The following SLC44A5 variants were observed in gnomAD, a reference collection of about 807,000 sequenced individuals.
The protein encoded by SLC44A5 is choline transporter-like protein 5.
A neutral mutation model predicts 101.8 loss-of-function variants in SLC44A5; 57 were observed. The ratio of observed to expected loss-of-function variants is 0.56; its 90% CI spans 0.45 to 0.70. SLC44A5 has a LOEUF of 0.70. SLC44A5 is among the 30% of genes least tolerant of loss of function. The pLI, the probability that SLC44A5 is intolerant of heterozygous loss-of-function variation, is 0.00. For synonymous variants in SLC44A5, 281 were observed against 290.9 expected, an observed-to-expected ratio of 0.97 and a Z score of 0.35; for missense variants, 737 against 853.1, an observed-to-expected ratio of 0.86 and a Z score of 1.70.
intron 3 of SLC44A5, among the ~76,000 whole-genome samples, chr1:75,341,729 G>C (rs189134111): frequency 6.6e-4 from 100 of 152,218 alleles, no homozygotes; most frequent in Non-Finnish European, 5.0e-4. Context: ...CTCATGCTCT[G>C]ACCCTGTGCT....
At chr1:75,301,394 G>A (rs1654438511) in intron 4 of SLC44A5, among the ~76,000 whole-genome samples, 1 of 152,108 alleles carries the variant, frequency 6.6e-6, no homozygotes, top group South Asian at 2.1e-4. Context: ...ATTACATCTT[G>A]TTCAGCTTAT....
the SLC44A5 span, among the ~76,000 whole-genome samples, chr1:75,716,268 C>G: frequency 6.6e-6 from 1 of 152,016 alleles, no homozygotes; most frequent in African/African-American, 2.4e-5. Flanking sequence ...TGCTTGAGTC[C>G]CAGAGTTAGA....
chr1:75,417,086 C>T (rs375003485), intron 2 of SLC44A5, among the ~76,000 whole-genome samples: 16 of 152,180 alleles, frequency 1.1e-4, no homozygotes, highest in South Asian at 2.1e-4. Context: ...AGGGCCAAAA[C>T]GATATGATTT....
intron 2 of SLC44A5, among the ~76,000 whole-genome samples, chr1:75,426,263 A>T (rs1415261142): frequency 6.6e-6 from 1 of 152,206 alleles, no homozygotes; most frequent in East Asian, 1.9e-4. Flanking sequence ...GTGGGAAAAT[A>T]TGATTCTGAA....
At chr1:75,506,213 T>A (rs1434514321) in intron 2 of SLC44A5, among the ~76,000 whole-genome samples, 1 of 152,180 alleles carries the variant, frequency 6.6e-6, no homozygotes, top group Admixed American at 6.5e-5. Context: ...GGTCTGTATG[T>A]CTGTTTTTGT....
At chr1:75,372,245 C>G (rs1029824453) in intron 3 of SLC44A5, among the ~76,000 whole-genome samples, 1 of 150,976 alleles carries the variant, frequency 6.6e-6, no homozygotes, top group Non-Finnish European at 1.5e-5. Context: ...AGCTTTTTCC[C>G]AGTGAGTCAG....
chr1:75,623,335 G>A, the SLC44A5 span, among the ~76,000 whole-genome samples: 2 of 151,998 alleles, frequency 1.3e-5, no homozygotes, highest in Non-Finnish European at 2.9e-5. Context: ...TGACAGAAAT[G>A]AACTAGGCAA....
At chr1:75,393,886 C>T (rs1328249203) in intron 3 of SLC44A5, among the ~76,000 whole-genome samples, 1 of 151,932 alleles carries the variant, frequency 6.6e-6, no homozygotes, top group East Asian at 1.9e-4. Flanking sequence ...AGTGGTGATG[C>T]CCTTATTAGA....
intron 3 of SLC44A5, among the ~76,000 whole-genome samples, chr1:75,341,212 C>T (rs982167834): frequency 6.6e-6 from 1 of 152,126 alleles, no homozygotes; most frequent in Non-Finnish European, 1.5e-5. Context: ...AATATAAGCT[C>T]GAGAGGGCCG....
intron 1 of SLC44A5, among the ~76,000 whole-genome samples, chr1:75,597,565 A>T (rs1178372913): frequency 6.6e-6 from 1 of 152,182 alleles, no homozygotes; most frequent in Non-Finnish European, 1.5e-5. Context: ...GGGCTGCAGT[A>T]ACTAAAACAC....
At chr1:75,465,268 C>A (rs1428892721) in intron 2 of SLC44A5, among the ~76,000 whole-genome samples, 2 of 152,128 alleles carry the variant, frequency 1.3e-5, no homozygotes, top group African/African-American at 4.8e-5. Flanking sequence ...GGAAATTAAA[C>A]AATATGCTCC....
chr1:75,652,905 C>T, the SLC44A5 span, among the ~76,000 whole-genome samples: 1 of 152,210 alleles, frequency 6.6e-6, no homozygotes, highest in South Asian at 2.1e-4. Context: ...AATATCCTGA[C>T]TCTCCTTATA....
chr1:75,454,267 T>C (rs1241623039), intron 2 of SLC44A5, among the ~76,000 whole-genome samples: 1 of 152,062 alleles, frequency 6.6e-6, no homozygotes, highest in East Asian at 1.9e-4. Flanking sequence ...TAAATGTGAT[T>C]CATCTTATAA....
chr1:75,631,261 G>C, the SLC44A5 span, among the ~76,000 whole-genome samples: 1 of 152,150 alleles, frequency 6.6e-6, no homozygotes, highest in East Asian at 1.9e-4. Context: ...CTTTAGAATG[G>C]GAAACATATT....
rs1570488292 is a variant in SLC44A5, at chr1:75,512,478, G to GCATA, written c.13+28956_13+28957insTATG. ...ATCCAATTTTTAGTTAGTGTCTGAA[G>GCATA]TTGATTTAGATAAGCATATTAACAG... On this transcript the variant is annotated intron_variant, in intron 2 of 23. Transcript: ENST00000370859. Among the ~76,000 whole-genome samples, 6 of 152,236 alleles carry GCATA rather than the reference G, an allele frequency of 3.9e-5. No homozygotes were observed. In the East Asian group the frequency reaches 1.2e-3, roughly 29 times the overall value.
chr1:75,485,872 G>A (rs1016806397), intron 2 of SLC44A5, among the ~76,000 whole-genome samples: 5 of 152,012 alleles, frequency 3.3e-5, no homozygotes, highest in Non-Finnish European at 5.9e-5. Context: ...AGATGGTCAG[G>A]GGCAGGAAGT....
At chr1:75,567,430 A>G (rs1442393512) in intron 1 of SLC44A5, among the ~76,000 whole-genome samples, 1 of 152,204 alleles carries the variant, frequency 6.6e-6, no homozygotes, top group African/African-American at 2.4e-5. Context: ...CATTGTTAAA[A>G]GAACAGTGAG....
At chr1:75,599,526 T>C (rs550703546) in intron 1 of SLC44A5, among the ~76,000 whole-genome samples, 1 of 152,122 alleles carries the variant, frequency 6.6e-6, no homozygotes, top group South Asian at 2.1e-4. Context: ...ATGTGTAGAG[T>C]CTACATTTAA....
intron 2 of SLC44A5, among the ~76,000 whole-genome samples, chr1:75,481,590 C>T (rs1050491127): frequency 7.2e-5 from 11 of 152,010 alleles, no homozygotes; most frequent in South Asian, 2.1e-4. Context: ...AAAAGGTGGG[C>T]GAAGGACATG....
Sources: allele counts gnomAD v4.1 joint callset (sites outside exome capture counted in the v4.1 genomes callset), GRCh38; gene constraint gnomAD v4.1.1; transcripts MANE v1.5; gene names NCBI Gene and HGNC (gene_info 2026-07-23, HGNC 2026-07-21).